Variants in HSD17B12 observed in about 807,000 individuals in gnomAD.
HSD17B12 encodes very-long-chain 3-oxoacyl-CoA reductase.
Under a neutral mutation model 39.3 loss-of-function variants are expected in HSD17B12, and 32 were observed. The observed-to-expected ratio is 0.81, with a 90% CI of 0.61 to 1.09. The LOEUF is 1.09. Among genes scored for constraint, HSD17B12 ranks in the 50% least tolerant of loss-of-function variants. HSD17B12 has a pLI of 0.00. For synonymous variants in HSD17B12, 150 were observed against 146.7 expected, an observed-to-expected ratio of 1.02 and a Z score of -0.16; for missense variants, 342 against 382.9, an observed-to-expected ratio of 0.89 and a Z score of 0.89.
chr11:43,843,197 CTG>C (rs1367217625), intron 9 of HSD17B12, among the ~76,000 whole-genome samples: 2 of 152,096 alleles, frequency 1.3e-5, no homozygotes, highest in African/African-American at 4.8e-5. Context: ...AGTCGTCATT[CTG>C]TGTGAATACA....
the HSD17B12 span, among the ~76,000 whole-genome samples, chr11:43,582,828 T>C: frequency 6.6e-6 from 1 of 152,168 alleles, no homozygotes; most frequent in Non-Finnish European, 1.5e-5. Flanking sequence ...GCTCTAAGGC[T>C]AAATCAGAGC....
At chr11:43,755,113 T>C (rs549850860) in intron 3 of HSD17B12, 85 of 370,388 alleles carry the variant, frequency 2.3e-4, no homozygotes, top group African/African-American at 1.7e-3. Context: ...TCCAAACTTA[T>C]GTTGGGTATA....
chr11:43,638,261 G>A, the HSD17B12 span, among the ~76,000 whole-genome samples: 1 of 152,192 alleles, frequency 6.6e-6, no homozygotes, highest in Non-Finnish European at 1.5e-5. Context: ...AGAGTTTGGT[G>A]AAATCTGGCC....
At chr11:43,715,929 A>G (rs973747233) in intron 1 of HSD17B12, among the ~76,000 whole-genome samples, 1 of 152,130 alleles carries the variant, frequency 6.6e-6, no homozygotes, top group South Asian at 2.1e-4. Flanking sequence ...GGATTGAATT[A>G]TGACTCTGAT....
At chr11:43,648,963 C>T in the HSD17B12 span, among the ~76,000 whole-genome samples, 1 of 152,214 alleles carries the variant, frequency 6.6e-6, no homozygotes, top group Non-Finnish European at 1.5e-5. Flanking sequence ...AACTTCAGAC[C>T]TCAGGCGTTC....
rs1228915821 is a variant in HSD17B12, at chr11:43,856,480, A to T, written c.*1232A>T. 6.6e-6 allele frequency: 1 copy of T among 152,226 alleles called. No homozygotes were observed. The highest frequency in any genetic ancestry group is 1.5e-5 in the Non-Finnish European group (1 of 68,026). The allele number at this position is 152,226 out of a possible 1,614,324, so 9.4% of individuals were successfully genotyped here. On this transcript the variant is annotated 3_prime_UTR_variant, in exon 11 of 11. Transcript: ENST00000278353. Reference sequence around the variant, plus strand: ...AAGGACATAAAACAAAAATAAACAAACAAAAACAAATAGCCATCTGCTATC... The same window carrying T: ...AAGGACATAAAACAAAAATAAACAATCAAAAACAAATAGCCATCTGCTATC...
chr11:43,762,111 C>T (rs952581741), intron 3 of HSD17B12, among the ~76,000 whole-genome samples: 2 of 151,868 alleles, frequency 1.3e-5, no homozygotes, highest in African/African-American at 4.8e-5. Flanking sequence ...CATAGAATTC[C>T]AAGAGCGTTC....
At chr11:43,795,491 T>C (rs1950908354) in intron 3 of HSD17B12, among the ~76,000 whole-genome samples, 1 of 152,162 alleles carries the variant, frequency 6.6e-6, no homozygotes, top group Non-Finnish European at 1.5e-5. Context: ...ATTCTGAAAG[T>C]CCACCCAACC....
chr11:43,737,556 A>T (rs1020500597), intron 1 of HSD17B12, among the ~76,000 whole-genome samples: 3 of 152,252 alleles, frequency 2.0e-5, no homozygotes, highest in Non-Finnish European at 4.4e-5. Context: ...AAGCCTTTTT[A>T]AAAAATCTTC....
the HSD17B12 span, among the ~76,000 whole-genome samples, chr11:43,582,696 G>A: frequency 6.6e-6 from 1 of 152,176 alleles, no homozygotes; most frequent in Non-Finnish European, 1.5e-5. Context: ...CTGTCCGCTG[G>A]TTGAACACCC....
At chr11:43,632,182 A>G in the HSD17B12 span, among the ~76,000 whole-genome samples, 4 of 152,218 alleles carry the variant, frequency 2.6e-5, no homozygotes, top group African/African-American at 9.7e-5. Context: ...GAGATAAACA[A>G]TTCAACACTT....
chr11:43,799,854 C>T (rs1162256236), intron 4 of HSD17B12, among the ~76,000 whole-genome samples: 1 of 152,128 alleles, frequency 6.6e-6, no homozygotes. Flanking sequence ...AGTACTGTTG[C>T]ACCTGGCTTT....
At chr11:43,797,097 G>A (rs145128268) in intron 3 of HSD17B12, among the ~76,000 whole-genome samples, 95 of 152,208 alleles carry the variant, frequency 6.2e-4, no homozygotes, top group African/African-American at 1.8e-3. Flanking sequence ...TTTCTACCTA[G>A]GGTCAGTACT....
chr11:43,657,085 C>G, the HSD17B12 span, among the ~76,000 whole-genome samples: 1 of 152,152 alleles, frequency 6.6e-6, no homozygotes, highest in Admixed American at 6.5e-5. Flanking sequence ...CTGGATGCTC[C>G]TGTATTGGGT....
chr11:43,754,758 T>G (rs560060512), intron 3 of HSD17B12: 4 of 590,666 alleles, frequency 6.8e-6, no homozygotes, highest in Non-Finnish European at 1.2e-5. Flanking sequence ...TTCCTGAATG[T>G]TTTTTACTCT....
intron 3 of HSD17B12, among the ~76,000 whole-genome samples, chr11:43,795,848 A>G (rs533692726): frequency 1.3e-5 from 2 of 152,178 alleles, no homozygotes; most frequent in African/African-American, 2.4e-5. Context: ...TACACTACCT[A>G]GTGTATTAGA....
At chr11:43,734,077 C>T (rs765066311) in intron 1 of HSD17B12, 83 of 992,428 alleles carry the variant, frequency 8.4e-5, no homozygotes, top group South Asian at 1.7e-4. Flanking sequence ...CATATCTTCA[C>T]CAGCATCGGA....
At chr11:43,691,844 T>C (rs1438253531) in intron 1 of HSD17B12, among the ~76,000 whole-genome samples, 1 of 152,216 alleles carries the variant, frequency 6.6e-6, no homozygotes. Context: ...GCCTTGCTTG[T>C]GCAGAGGCAT....
rs969506372 is a variant in HSD17B12 at position 43,734,311 on chromosome 11, G to C, written c.161-16600G>C. On this transcript the variant is annotated intron_variant, in intron 1 of 10. Transcript: ENST00000278353. ...TCACAGAAGCCGTGGAAGCCAAAAA[G>C]GTGGCTCAGCAGGAAGCAGAGAGGG... 22 of 1,123,030 alleles carry C rather than the reference G, an allele frequency of 2.0e-5. No individual in the cohort carries two copies. In the East Asian group the frequency reaches 4.7e-4, roughly 24 times the overall value. 69.6% of individuals were successfully genotyped at this position (1,123,030 alleles called of 1,614,324 possible).
Sources: gnomAD v4.1 joint callset for allele counts (sites outside exome capture counted in the v4.1 genomes callset) on GRCh38, gnomAD v4.1.1 for gene constraint, MANE v1.5 for transcripts, NCBI Gene and HGNC (gene_info 2026-07-23, HGNC 2026-07-21) for gene names.